Variants in WWOX observed in about 807,000 individuals in gnomAD.
The protein encoded by WWOX is WW domain containing oxidoreductase.
In WWOX, 69 loss-of-function variants were observed where a neutral mutation model predicts 46.2. The ratio of observed to expected loss-of-function variants is 1.49; its 90% CI spans 1.23 to 1.82. WWOX has a LOEUF of 1.82. WWOX is among the 40% of genes most tolerant of loss of function. The pLI, the probability that WWOX is intolerant of heterozygous loss-of-function variation, is 0.00. For synonymous variants in WWOX, 359 were observed against 202.6 expected, an observed-to-expected ratio of 1.77 and a Z score of -6.56; for missense variants, 919 against 542.6, an observed-to-expected ratio of 1.69 and a Z score of -6.89.
At chr16:78,898,335 G>C (rs1254847442) in intron 8 of WWOX, 4 of 152,022 alleles carry the variant, frequency 2.6e-5, no homozygotes, top group Non-Finnish European at 5.9e-5. Flanking sequence ...TGAGGTAATG[G>C]TAGAGGTTTA....
intron 5 of WWOX, among the ~76,000 whole-genome samples, chr16:78,316,840 T>TG (rs1347628675): frequency 1.3e-5 from 2 of 152,196 alleles, no homozygotes; most frequent in Non-Finnish European, 2.9e-5. Context: ...AAGTGATAGA[T>TG]GTATACCATT....
At chr16:78,744,762 C>G (rs56126557) in intron 8 of WWOX, among the ~76,000 whole-genome samples, 22 of 151,838 alleles carry the variant, frequency 1.4e-4, no homozygotes, top group Admixed American at 7.9e-4. Context: ...TTCTATTACC[C>G]GAAAACAGTG....
At chr16:79,189,760 G>T (rs1360221304) in intron 8 of WWOX, among the ~76,000 whole-genome samples, 1 of 151,950 alleles carries the variant, frequency 6.6e-6, no homozygotes, top group Non-Finnish European at 1.5e-5. Flanking sequence ...TGGCTGTCCT[G>T]AAATTGCGAA....
chr16:78,843,208 CAA>C (rs1456902215), intron 8 of WWOX, among the ~76,000 whole-genome samples: 3 of 149,952 alleles, frequency 2.0e-5, no homozygotes, highest in African/African-American at 7.3e-5. Context: ...AACACAAAAG[CAA>C]AGATTAGAAC....
intron 6 of WWOX, among the ~76,000 whole-genome samples, chr16:78,405,541 G>A (rs532707351): frequency 7.6e-4 from 115 of 152,082 alleles, no homozygotes; most frequent in Admixed American, 1.2e-3. Context: ...TATTTATTCA[G>A]GACATTCTCT....
chr16:79,190,584 G>C (rs1213673593), intron 8 of WWOX, among the ~76,000 whole-genome samples: 1 of 151,076 alleles, frequency 6.6e-6, no homozygotes, highest in Non-Finnish European at 1.5e-5. Flanking sequence ...TCAGTCAAAT[G>C]TCAAGTCCAT....
intron 8 of WWOX, among the ~76,000 whole-genome samples, chr16:78,581,662 T>C (rs1158401781): frequency 6.6e-6 from 1 of 152,196 alleles, no homozygotes; most frequent in East Asian, 1.9e-4. Flanking sequence ...GAATAAATGC[T>C]ACCCATAGAT....
rs1406800863 is a variant in WWOX, at chr16:78,757,087, A to G, written c.1056+324335A>G. Reference sequence around the variant, plus strand: ...TTGAGGTGATTGCAGCCTTTGCTGCAATCTTGACTGGAACTTTATTTGAGC... The same window carrying G: ...TTGAGGTGATTGCAGCCTTTGCTGCGATCTTGACTGGAACTTTATTTGAGC... On this transcript the variant is annotated intron_variant, in intron 8 of 8. Coordinates refer to ENST00000566780, the MANE Select transcript of WWOX (RefSeq NM_016373.4). The G allele has an allele frequency of 1.4e-5, 10 of 697,940 alleles. 1 individual carries two copies. In the East Asian group the frequency reaches 2.7e-4, roughly 19 times the overall value. 43.2% of individuals were successfully genotyped at this position (697,940 alleles called of 1,614,324 possible).
At chr16:78,792,149 C>G (rs780917459) in intron 8 of WWOX, among the ~76,000 whole-genome samples, 15 of 152,116 alleles carry the variant, frequency 9.9e-5, no homozygotes, top group Non-Finnish European at 1.5e-4. Flanking sequence ...CATTAGACCT[C>G]AGTGGCCCGC....
rs142992602 is a variant in WWOX, at chr16:78,752,192, C to A, written c.1056+319440C>A. ...ACTTCGATGCGTACTGAAAATATAC[C>A]TTTAAGTAGTTGAGTGACTTGAAAT... On this transcript the variant is annotated intron_variant, in intron 8 of 8. Transcript: ENST00000566780. Among the ~76,000 whole-genome samples the A allele has an allele frequency of 4.1e-4, 63 of 152,292 alleles. 1 individual carries two copies. In the East Asian group the frequency reaches 0.012, roughly 28 times the overall value.
intron 8 of WWOX, among the ~76,000 whole-genome samples, chr16:78,727,816 T>A (rs1459570987): frequency 2.0e-5 from 3 of 152,020 alleles, no homozygotes; most frequent in Non-Finnish European, 2.9e-5. Flanking sequence ...GTCCTACCTA[T>A]GTGCCTGCCT....
chr16:78,424,403 AG>A (rs763889898), intron 6 of WWOX, among the ~76,000 whole-genome samples: 6 of 152,118 alleles, frequency 3.9e-5, no homozygotes, highest in Non-Finnish European at 7.4e-5. Context: ...TACAGGCGTG[AG>A]CCCCCGCGCC....
In WWOX at chr16:78,474,136, G is replaced by A. The variant is rs1008661954; in HGVS notation, c.1056+41384G>A. On this transcript the variant is annotated intron_variant, in intron 8 of 8. Transcript: ENST00000566780. ...GCACGCTGTAAAATGACTGTTACAC[G>A]TTTATGGATTGAAATGGTTCTGCTG... 1.3e-4 allele frequency among the ~76,000 whole-genome samples: 20 copies of A among 152,312 alleles called. No homozygotes were observed. In the East Asian group the frequency reaches 2.1e-3, roughly 16 times the overall value.
At chr16:78,853,321 A>G (rs927758017) in intron 8 of WWOX, among the ~76,000 whole-genome samples, 10 of 152,118 alleles carry the variant, frequency 6.6e-5, no homozygotes, top group Admixed American at 2.6e-4. Context: ...CCTGGGTTCA[A>G]GCAATTCTTC....
chr16:79,020,063 T>G (rs1487508720), intron 8 of WWOX, among the ~76,000 whole-genome samples: 1 of 152,194 alleles, frequency 6.6e-6, no homozygotes, highest in African/African-American at 2.4e-5. Context: ...CTTTCTTATG[T>G]CATCTGCATG....
intron 5 of WWOX, among the ~76,000 whole-genome samples, chr16:78,352,409 T>C (rs2081204224): frequency 6.6e-6 from 1 of 152,178 alleles, no homozygotes; most frequent in African/African-American, 2.4e-5. Flanking sequence ...TTTCTGTAGG[T>C]TCTAGAAGAG....
intron 5 of WWOX, among the ~76,000 whole-genome samples, chr16:78,186,093 A>G (rs532575276): frequency 6.6e-6 from 1 of 152,206 alleles, no homozygotes; most frequent in Non-Finnish European, 1.5e-5. Flanking sequence ...TGAGCTGTTG[A>G]TATAAAATAA....
intron 8 of WWOX, among the ~76,000 whole-genome samples, chr16:78,647,580 G>C (rs939760593): frequency 2.6e-5 from 4 of 152,220 alleles, no homozygotes; most frequent in Non-Finnish European, 4.4e-5. Context: ...TGTCCCGTAA[G>C]GGTGGGCAGA....
intron 6 of WWOX, among the ~76,000 whole-genome samples, chr16:78,400,504 A>G (rs1305063391): frequency 6.6e-6 from 1 of 152,152 alleles, no homozygotes; most frequent in African/African-American, 2.4e-5. Context: ...GGATGGATGG[A>G]TGAATGGCTG....
Sources: gnomAD v4.1 joint callset for allele counts (sites outside exome capture counted in the v4.1 genomes callset) on GRCh38, gnomAD v4.1.1 for gene constraint, MANE v1.5 for transcripts, NCBI Gene and HGNC (gene_info 2026-07-23, HGNC 2026-07-21) for gene names.